Variants in ADGRL3 observed in about 807,000 individuals in gnomAD.
ADGRL3 encodes adhesion G protein-coupled receptor L3, also known as calcium-independent alpha-latrotoxin receptor 3.
A neutral mutation model predicts 153.5 loss-of-function variants in ADGRL3; 62 were observed. The observed-to-expected ratio is 0.40, with a 90% confidence interval of 0.33 to 0.50. ADGRL3 has a LOEUF of 0.50. Among genes scored for constraint, ADGRL3 ranks in the 20% least tolerant of loss-of-function variants. The pLI is 0.47. For synonymous variants in ADGRL3, 710 were observed against 672.5 expected, an observed-to-expected ratio of 1.06 and a Z score of -0.86; for missense variants, 1,641 against 1,859.4, an observed-to-expected ratio of 0.88 and a Z score of 2.16.
At chr4:61,581,193 G>C (rs2098923382) in intron 4 of ADGRL3, among the ~76,000 whole-genome samples, 1 of 151,998 alleles carries the variant, frequency 6.6e-6, no homozygotes. Context: ...ATAAGGATTA[G>C]ACAGCCACAG....
At chr4:61,758,722 A>G (rs6812376) in intron 8 of ADGRL3, among the ~76,000 whole-genome samples, 1 of 152,050 alleles carries the variant, frequency 6.6e-6, no homozygotes, top group Non-Finnish European at 1.5e-5. Flanking sequence ...TCTTGTCATT[A>G]TGATGTTAGC....
intron 2 of ADGRL3, among the ~76,000 whole-genome samples, chr4:61,428,558 G>A (rs1463795873): frequency 6.6e-6 from 1 of 152,150 alleles, no homozygotes; most frequent in Non-Finnish European, 1.5e-5. Context: ...GAGAGACAGT[G>A]TATATAACTT....
chr4:62,029,671 ACTT>A (rs1312978930), intron 22 of ADGRL3, among the ~76,000 whole-genome samples: 5 of 145,696 alleles, frequency 3.4e-5, no homozygotes, highest in Admixed American at 1.4e-4. Flanking sequence ...GTGCCATTTC[ACTT>A]CTTCATGCTT....
chr4:61,349,758 A>T (rs543228250), intron 1 of ADGRL3, among the ~76,000 whole-genome samples: 6 of 152,260 alleles, frequency 3.9e-5, no homozygotes, highest in African/African-American at 1.2e-4. Flanking sequence ...TTTTTCCATT[A>T]AACTGCGGGG....
chr4:61,775,666 TA>T (rs2152334684), intron 8 of ADGRL3: 1 of 1,511,312 alleles, frequency 6.6e-7, no homozygotes, highest in South Asian at 1.1e-5. Context: ...CAACTTGACA[TA>T]CATCACAGGC....
At chr4:61,746,365 C>A (rs899387506) in intron 8 of ADGRL3, among the ~76,000 whole-genome samples, 2 of 152,198 alleles carry the variant, frequency 1.3e-5, no homozygotes. Context: ...ACCTAATACC[C>A]ATCTACAGAA....
intron 2 of ADGRL3, among the ~76,000 whole-genome samples, chr4:61,453,077 A>G (rs1183894197): frequency 6.6e-6 from 1 of 152,284 alleles, no homozygotes; most frequent in African/African-American, 2.4e-5. Context: ...ATTGTAAAGG[A>G]TTCAGTGAAA....
chr4:61,819,434 T>A (rs538439069), intron 9 of ADGRL3, among the ~76,000 whole-genome samples: 34 of 152,208 alleles, frequency 2.2e-4, no homozygotes, highest in South Asian at 1.9e-3. Flanking sequence ...ATGAGCAACA[T>A]CTCTAGGTTT....
intron 21 of ADGRL3, among the ~76,000 whole-genome samples, chr4:62,016,822 C>T (rs768799443): frequency 1.3e-5 from 2 of 151,784 alleles, no homozygotes; most frequent in Admixed American, 6.6e-5. Flanking sequence ...TTCATACACA[C>T]GTCTATATCT....
At position 61,768,502 on chromosome 4, in the gene ADGRL3, T is replaced by G. The variant is rs372430069; in HGVS notation, c.1399+34948T>G. 4.7e-4 allele frequency among the ~76,000 whole-genome samples: 72 copies of G among 152,184 alleles called. 2 individuals are homozygous for G. The East Asian group carries it at 0.012, about 26-fold the overall frequency. ...AGGAACTGATGTGTAAAAGAATGCC[T>G]GGACTTCAGGCACCTCAGACCATTT... On this transcript the variant is annotated intron_variant, in intron 8 of 26. Transcript: ENST00000683033.
chr4:61,380,121 T>A (rs984291541), intron 1 of ADGRL3, among the ~76,000 whole-genome samples: 1 of 151,982 alleles, frequency 6.6e-6, no homozygotes, highest in African/African-American at 2.4e-5. Context: ...CACATAGTAA[T>A]ATAGTAATAT....
chr4:61,432,637 TCTTTCTTTCTTTC>T (rs2097380586), intron 2 of ADGRL3, among the ~76,000 whole-genome samples: 2 of 82,602 alleles, frequency 2.4e-5, no homozygotes, highest in South Asian at 5.1e-4. Flanking sequence ...TTTCTTTCTT[TCTTTCTTTCTTTC>T]TTTCTTTTTT....
intron 5 of ADGRL3, among the ~76,000 whole-genome samples, chr4:61,626,366 C>T (rs952539224): frequency 2.6e-5 from 4 of 151,874 alleles, no homozygotes; most frequent in Admixed American, 6.6e-5. Context: ...TAGGTAAGAA[C>T]CAAGTTGGTG....
At chr4:61,983,697 A>C in intron 19 of ADGRL3, 94 bp downstream of exon 19, 3 of 1,090,106 alleles carry the variant, frequency 2.8e-6, no homozygotes, top group Non-Finnish European at 4.1e-6. Context: ...CTCACAGTGA[A>C]GAAACTGGGC....
chr4:61,563,737 C>T (rs566602002), intron 4 of ADGRL3, among the ~76,000 whole-genome samples: 22 of 152,230 alleles, frequency 1.4e-4, no homozygotes, highest in African/African-American at 3.4e-4. Context: ...GGGCCAGGCA[C>T]GGTGGCTCAC....
At chr4:61,593,624 C>T (rs760873170) in intron 5 of ADGRL3, among the ~76,000 whole-genome samples, 5 of 152,100 alleles carry the variant, frequency 3.3e-5, no homozygotes, top group Non-Finnish European at 5.9e-5. Context: ...CTCTCCTGGC[C>T]TGTAAAGTTC....
Position 61,357,075 on chromosome 4 carries a change from C to G in ADGRL3, c.-239-26049C>G, listed in dbSNP as rs148639635. On this transcript the variant is annotated intron_variant, in intron 1 of 26. Coordinates refer to ENST00000683033, the MANE Select transcript of ADGRL3 (RefSeq NM_001387552.1). ...TCATTAATTTTAAATTCTGCCCGCACATACTCAGTTCATTAGCATTAGGGA... is the reference window on the plus strand; with the variant it reads ...TCATTAATTTTAAATTCTGCCCGCAGATACTCAGTTCATTAGCATTAGGGA... Among the ~76,000 whole-genome samples the G allele has an allele frequency of 2.9e-4, 44 of 152,114 alleles. No individual in the cohort carries two copies. In the East Asian group the frequency reaches 7.9e-3, roughly 27 times the overall value.
chr4:61,985,494 C>G (rs1029871754), intron 19 of ADGRL3, among the ~76,000 whole-genome samples: 3 of 152,016 alleles, frequency 2.0e-5, no homozygotes, highest in African/African-American at 7.2e-5. Context: ...TTTCAAGCAG[C>G]AGTGTAGGCT....
chr4:61,728,351 G>C (rs1180136287), intron 6 of ADGRL3, among the ~76,000 whole-genome samples: 1 of 151,994 alleles, frequency 6.6e-6, no homozygotes, highest in Non-Finnish European at 1.5e-5. Context: ...AACAGGACCA[G>C]AGAATCAAAA....
Sources: allele counts gnomAD v4.1 joint callset (sites outside exome capture counted in the v4.1 genomes callset), GRCh38; gene constraint gnomAD v4.1.1; transcripts MANE v1.5; gene names NCBI Gene and HGNC (gene_info 2026-07-23, HGNC 2026-07-21).